LIMCH1: variants seen among roughly 807,000 people sequenced by gnomAD.
The protein encoded by LIMCH1 is LIM and calponin homology domains-containing protein 1.
Under a neutral mutation model 176.5 loss-of-function variants are expected in LIMCH1, and 113 were observed. The observed-to-expected ratio is 0.64, with a 90% CI of 0.55 to 0.75. The LOEUF (loss-of-function observed/expected upper bound fraction) is 0.75, where lower values mean the gene tolerates loss of function less well. Among genes scored for constraint, LIMCH1 ranks in the 30% least tolerant of loss-of-function variants. LIMCH1 has a pLI of 0.00. For synonymous variants in LIMCH1, 619 were observed against 645.9 expected (o/e 0.96, Z 0.63); for missense variants, 1,674 against 1,814.9 (o/e 0.92, Z 1.41).
intron 1 of LIMCH1, among the ~76,000 whole-genome samples, chr4:41,445,016 C>T (rs1347929537): frequency 1.4e-5 from 2 of 145,130 alleles, no homozygotes; most frequent in African/African-American, 5.3e-5. Flanking sequence ...AACATTTTCC[C>T]ATTCTTTTTT....
At chr4:41,406,253 A>G (rs955095590) in intron 1 of LIMCH1, among the ~76,000 whole-genome samples, 3 of 152,222 alleles carry the variant, frequency 2.0e-5, no homozygotes, top group African/African-American at 7.2e-5. Context: ...CTCTGGTCTA[A>G]GGACATTACT....
intron 3 of LIMCH1, among the ~76,000 whole-genome samples, chr4:41,527,822 CAAAAAAAA>C (rs34651693): frequency 2.1e-5 from 1 of 47,122 alleles, no homozygotes; most frequent in African/African-American, 6.0e-5. Flanking sequence ...GACTCCGTCT[CAAAAAAAA>C]AAAAAAAAAA....
At chr4:41,466,611 A>G (rs1280128043) in intron 1 of LIMCH1, among the ~76,000 whole-genome samples, 2 of 152,222 alleles carry the variant, frequency 1.3e-5, no homozygotes, top group Admixed American at 1.3e-4. Flanking sequence ...CTTTATCTCA[A>G]AAGTCCCTAG....
chr4:41,692,426 C>A, intron 31 of LIMCH1, 42 bp downstream of exon 31: 1 of 1,252,372 alleles, frequency 8.0e-7, no homozygotes, highest in South Asian at 1.2e-5. Flanking sequence ...CGAGTGTAAT[C>A]GTATGTCTTC....
chr4:41,369,842 C>G (rs1188470810), intron 1 of LIMCH1, among the ~76,000 whole-genome samples: 1 of 151,796 alleles, frequency 6.6e-6, no homozygotes, highest in East Asian at 1.9e-4. Flanking sequence ...TGAGCGCTTT[C>G]TCAGTGAGTC....
intron 1 of LIMCH1, among the ~76,000 whole-genome samples, chr4:41,456,885 C>T (rs932748286): frequency 1.1e-4 from 17 of 152,148 alleles, no homozygotes; most frequent in Admixed American, 8.5e-4. Context: ...ACCACCATAC[C>T]GACATGTGGC....
intron 28 of LIMCH1, 72 bp from the exon 29 acceptor site, chr4:41,687,768 A>T: frequency 2.2e-6 from 2 of 895,416 alleles, no homozygotes; most frequent in Non-Finnish European, 1.8e-6. Flanking sequence ...TCCTAATCTA[A>T]AATGTCTTTT....
chr4:41,399,036 C>T (rs2058094509), intron 1 of LIMCH1, among the ~76,000 whole-genome samples: 1 of 152,106 alleles, frequency 6.6e-6, no homozygotes, highest in Non-Finnish European at 1.5e-5. Flanking sequence ...ACAGGGTGCC[C>T]ATTGCTGTGC....
rs186201253 is a variant in LIMCH1, at chr4:41,415,030, C to T, written c.96+54094C>T. Among the ~76,000 whole-genome samples the T allele has an allele frequency of 1.4e-3, 208 of 152,190 alleles. 1 individual carries two copies. The highest frequency in any genetic ancestry group is 4.8e-3 in the African/African-American group (198 of 41,524). On this transcript the variant is annotated intron_variant, in intron 1 of 26. Coordinates refer to the LIMCH1 transcript ENST00000313860. Reference sequence around the variant, plus strand: ...ATACTACAGGAATAACAATATAATACCTGTTTCATAGAGACATTGTGATGG... The same window carrying T: ...ATACTACAGGAATAACAATATAATATCTGTTTCATAGAGACATTGTGATGG...
intron 1 of LIMCH1, among the ~76,000 whole-genome samples, chr4:41,382,846 C>T (rs1371093176): frequency 6.6e-6 from 1 of 152,166 alleles, no homozygotes; most frequent in Non-Finnish European, 1.5e-5. Context: ...GGCTGGAGTG[C>T]AGTGGCACAA....
At chr4:41,508,629 G>A (rs2074469936) in intron 2 of LIMCH1, among the ~76,000 whole-genome samples, 1 of 152,206 alleles carries the variant, frequency 6.6e-6, no homozygotes, top group East Asian at 1.9e-4. Flanking sequence ...GTTTGAGGAA[G>A]TGTCTCCCCT....
chr4:41,685,943 T>C, intron 28 of LIMCH1, 113 bp downstream of exon 28: 6 of 1,113,442 alleles, frequency 5.4e-6, no homozygotes, highest in Non-Finnish European at 7.6e-6. Flanking sequence ...ATTTTTGTGC[T>C]TTCTCTCCAT....
chr4:41,469,665 G>GATTTATTTATTTATTTATTT (rs71198659), intron 1 of LIMCH1, among the ~76,000 whole-genome samples: 7,073 of 148,276 alleles, frequency 0.048, 304 homozygotes, highest in African/African-American at 0.11. Flanking sequence ...CTTGTTTTGA[G>GATTTATTTATTTATTTATTT]ATTTATTTAT....
At chr4:41,547,939 A>G (rs906607975) in intron 1 of LIMCH1, among the ~76,000 whole-genome samples, 1 of 146,502 alleles carries the variant, frequency 6.8e-6, no homozygotes, top group Non-Finnish European at 1.5e-5. Flanking sequence ...GTGCTCAGAA[A>G]AAGATGACTA....
chr4:41,456,482 T>C (rs62411121), intron 1 of LIMCH1, among the ~76,000 whole-genome samples: 36,226 of 152,048 alleles, frequency 0.24, 4,922 homozygotes, highest in African/African-American at 0.37. Context: ...TCATCTAGAT[T>C]GAAAACAATA....
Position 41,627,000 on chromosome 4 carries a change from G to A in LIMCH1, c.1018G>A (p.Glu340Lys), listed in dbSNP as rs2092998764. 1.3e-6 allele frequency: 2 copies of A among 1,528,330 alleles called. No homozygotes were observed. Among genetic ancestry groups the A allele is most frequent in the African/African-American group, 2.9e-5 (2 of 69,256 alleles). The allele number at this position is 1,528,330 out of a possible 1,614,324, so 94.7% of individuals were successfully genotyped here. A position where few individuals can be genotyped will look rare whatever the true frequency, so the allele number is the denominator to read the frequency against. Residue 340 changes from glutamate (E) to lysine (K), a missense_variant, in exon 8 of 32, where the codon GAA (glutamate) becomes AAA (lysine). Physicochemically the swap from Glu to Lys is moderately conservative, Grantham distance 56. Around this residue, in one of 3 missense-constraint regions of LIMCH1, gnomAD observed 655 missense variants for 692.2 expected, o/e 0.95. Coordinates refer to ENST00000503057, the MANE Select transcript of LIMCH1 (RefSeq NM_001330672.2). ...GGGAATCTCAAAAAAAAGAAGTCTAGAATATAAAAGGTGTGCATGGTGTGT... is the reference window on the plus strand; with the variant it reads ...GGGAATCTCAAAAAAAAGAAGTCTAAAATATAAAAGGTGTGCATGGTGTGT... ...SKGISKKRSL[E>K]YKRNQGHTEE...
chr4:41,462,063 GATAA>G (rs1268132690), intron 1 of LIMCH1, among the ~76,000 whole-genome samples: 1 of 152,160 alleles, frequency 6.6e-6, no homozygotes, highest in Non-Finnish European at 1.5e-5. Flanking sequence ...CTCTTTGTAT[GATAA>G]ATAATTATAA....
At chr4:41,549,347 C>A (rs1322502280) in intron 1 of LIMCH1, among the ~76,000 whole-genome samples, 1 of 152,108 alleles carries the variant, frequency 6.6e-6, no homozygotes, top group Admixed American at 6.5e-5. Flanking sequence ...AACTAGTGTT[C>A]TTCTTTTACA....
intron 4 of LIMCH1, chr4:41,613,030 T>C: frequency 6.4e-7 from 1 of 1,552,062 alleles, no homozygotes; most frequent in Non-Finnish European, 8.7e-7. Flanking sequence ...GAGCAAAAGT[T>C]GCACAGCTAA....
Sources: gnomAD v4.1 joint callset for allele counts (sites outside exome capture counted in the v4.1 genomes callset) on GRCh38, gnomAD v4.1.1 for gene constraint, gnomAD v4.1.1 regional missense constraint, MANE v1.5 for transcripts, NCBI Gene and HGNC (gene_info 2026-07-23, HGNC 2026-07-21) for gene names.